The following OR5D13 variants were observed in gnomAD, a reference collection of about 807,000 sequenced individuals.
OR5D13 encodes olfactory receptor 5D13.
For missense variants in OR5D13, 470 were observed against 372.1 expected (o/e 1.26, Z -2.16); for synonymous variants, 192 against 134.3 (o/e 1.43, Z -2.97).
Position 55,773,978 on chromosome 11 carries a change from T to A in OR5D13, c.541T>A (p.Cys181Ser). 6.2e-7 allele frequency: 1 copy of A among 1,613,756 alleles called. No individual in the cohort carries two copies. Among genetic ancestry groups the A allele is most frequent in the Non-Finnish European group, 8.5e-7 (1 of 1,179,862 alleles). The change falls in exon 1 of 1, where the codon TGT (cysteine) becomes AGT (serine). Residue 181 changes from cysteine to serine, a missense_variant. Cys to Ser is a moderately radical substitution (Grantham distance 112). Coordinates refer to ENST00000623930, the MANE Select transcript of OR5D13 (RefSeq NM_001001967.1). The part of the protein sequence containing the change: ...CESTFINNFI[C>S]DHSVIVSASY... ...ATCTACCTTCATAAATAATTTTATCTGTGACCACTCTGTAATTGTTTCTGC... is the reference window on the plus strand; with the variant it reads ...ATCTACCTTCATAAATAATTTTATCAGTGACCACTCTGTAATTGTTTCTGC...
chr11:55,773,588 A>G lies in OR5D13; in HGVS notation c.151A>G (p.Ile51Val). ...GGGGAACTTGGGCATGATAATAATCATCAGACTCAATTCAAAACTCCATAC... is the reference window on the plus strand; with the variant it reads ...GGGGAACTTGGGCATGATAATAATCGTCAGACTCAATTCAAAACTCCATAC... ...VVGNLGMIII[I>V]RLNSKLHTIM... Residue 51 changes from isoleucine to valine, a missense_variant, in exon 1 of 1, where the codon ATC becomes GTC. Physicochemically the swap from Ile to Val is conservative, Grantham distance 29. Transcript: ENST00000623930. 6.2e-7 allele frequency: 1 copy of G among 1,613,398 alleles called. No individual in the cohort carries two copies.
Position 55,774,259 on chromosome 11 carries a change from A to G in OR5D13, c.822A>G (p.Thr274=), listed in dbSNP as rs1424613507. Residue 274 remains threonine (T), a synonymous_variant, in exon 1 of 1, where the codon ACA becomes ACG. Coordinates refer to ENST00000623930, the MANE Select transcript of OR5D13 (RefSeq NM_001001967.1). ...PNPKTSSLIV[T]VASVFYTVAI... is the part of the protein sequence containing the mutation. ...CTAAAACTTCTAGCCTCATAGTTAC[A>G]GTGGCTTCTGTGTTTTACACAGTGG... is the stretch of plus-strand genomic sequence containing the variant. The G allele has an allele frequency of 3.1e-6, 5 of 1,613,474 alleles. No homozygotes were observed. Among genetic ancestry groups the G allele is most frequent in the Non-Finnish European group, 4.2e-6 (5 of 1,179,644 alleles).
Position 55,773,572 on chromosome 11 carries a change from G to A in OR5D13, c.135G>A (p.Leu45=). Reference sequence around the variant, plus strand: ...ACACAGTCACTGTAGTGGGGAACTTGGGCATGATAATAATCATCAGACTCA... The same window carrying A: ...ACACAGTCACTGTAGTGGGGAACTTAGGCATGATAATAATCATCAGACTCA... ...FVYTVTVVGN[L]GMIIIIRLNS... Residue 45 remains leucine, a synonymous_variant, in exon 1 of 1, where the codon TTG becomes TTA. Transcript: ENST00000623930. 1 of 1,612,956 alleles carries A rather than the reference G, an allele frequency of 6.2e-7. No homozygotes were observed. The highest frequency in any genetic ancestry group is 8.5e-7 in the Non-Finnish European group (1 of 1,179,266).
Position 55,774,382 on chromosome 11 carries a change from A to G in OR5D13, c.945A>G (p.Ter315TrpextTer?), listed in dbSNP as rs1853297886. ...TTGTCACCAAATTGATTTACCACTG[A>G]ATATGATGTTCTTAGATACGTTATT... Reference protein sequence around the residue: ...KLVVTKLIYH* With the variant: ...KLVVTKLIYHW Residue 315 changes from the stop codon to tryptophan (W), a stop_lost, in exon 1 of 1, where the codon TGA becomes TGG. Coordinates refer to ENST00000623930, the MANE Select transcript of OR5D13 (RefSeq NM_001001967.1). The G allele has an allele frequency of 6.7e-7, 1 of 1,497,568 alleles. No individual in the cohort carries two copies. The highest frequency in any genetic ancestry group is 9.0e-7 in the Non-Finnish European group (1 of 1,107,088). 92.8% of individuals were successfully genotyped at this position (1,497,568 alleles called of 1,614,324 possible). A position where few individuals can be genotyped will look rare whatever the true frequency, so the allele number is the denominator to read the frequency against.
Position 55,774,117 on chromosome 11 carries a change from T to C in OR5D13, c.680T>C (p.Ile227Thr). The C allele has an allele frequency of 6.2e-7, 1 of 1,613,806 alleles. No individual in the cohort carries two copies. Among genetic ancestry groups the C allele is most frequent in the South Asian group, 1.1e-5 (1 of 91,070 alleles). Residue 227 changes from isoleucine to threonine, a missense_variant, in exon 1 of 1, where the codon ATT (isoleucine) becomes ACT (threonine). Ile to Thr is a moderately conservative substitution (Grantham distance 89). Transcript: ENST00000623930. ...TCATATATGCTTATTTTCACTACCA[T>C]TATGAAGATGCGATCTGCAAGTGGG... ...LTSYMLIFTT[I>T]MKMRSASGRQ... is the part of the protein sequence containing the mutation.
chr11:55,774,263 G>C lies in OR5D13; in HGVS notation c.826G>C (p.Ala276Pro). The part of the protein sequence containing the change: ...PKTSSLIVTV[A>P]SVFYTVAIPM... ...AACTTCTAGCCTCATAGTTACAGTGGCTTCTGTGTTTTACACAGTGGCGAT... is the reference window on the plus strand; with the variant it reads ...AACTTCTAGCCTCATAGTTACAGTGCCTTCTGTGTTTTACACAGTGGCGAT... The change falls in exon 1 of 1, where the codon GCT (alanine) becomes CCT (proline). Residue 276 changes from alanine to proline, a missense_variant. Ala to Pro is a conservative substitution (Grantham distance 27, BLOSUM62 -1). Coordinates refer to ENST00000623930, the MANE Select transcript of OR5D13 (RefSeq NM_001001967.1). The C allele has an allele frequency of 6.2e-7, 1 of 1,613,544 alleles. No homozygotes were observed. Among genetic ancestry groups the C allele is most frequent in the Non-Finnish European group, 8.5e-7 (1 of 1,179,844 alleles).
At position 55,773,998 on chromosome 11, in the gene OR5D13, T is replaced by C. The variant is rs1853288390; in HGVS notation, c.561T>C (p.Val187=). The stretch of plus-strand genomic sequence containing the variant: ...TTATCTGTGACCACTCTGTAATTGT[T>C]TCTGCCTCCTACTCAGACCCCTATA... ...NNFICDHSVI[V]SASYSDPYIS... Residue 187 remains valine, a synonymous_variant, in exon 1 of 1, where the codon GTT becomes GTC. Transcript: ENST00000623930. 1 of 1,613,514 alleles carries C rather than the reference T, an allele frequency of 6.2e-7. No individual in the cohort carries two copies. Among genetic ancestry groups the C allele is most frequent in the Admixed American group, 1.7e-5 (1 of 59,922 alleles).
In OR5D13 at chr11:55,774,302, C is replaced by A; in HGVS notation, c.865C>A (p.Pro289Thr). Residue 289 changes from proline (P) to threonine (T), a missense_variant, in exon 1 of 1, where the codon CCA (proline) becomes ACA (threonine). By Grantham distance (38) the Pro-to-Thr change is conservative (BLOSUM62 -1). Transcript: ENST00000623930. ...FYTVAIPMLNPLIYSLRNKDI... is the reference protein window; with the variant it reads ...FYTVAIPMLNTLIYSLRNKDI... ...CACAGTGGCGATTCCAATGCTGAACCCATTGATCTACAGCCTTAGGAACAA... is the reference window on the plus strand; with the variant it reads ...CACAGTGGCGATTCCAATGCTGAACACATTGATCTACAGCCTTAGGAACAA... 6.2e-7 allele frequency: 1 copy of A among 1,611,876 alleles called. No individual in the cohort carries two copies. Among genetic ancestry groups the A allele is most frequent in the Non-Finnish European group, 8.5e-7 (1 of 1,179,384 alleles).
Position 55,773,958 on chromosome 11 carries a change from C to A in OR5D13, c.521C>A (p.Thr174Asn). The change falls in exon 1 of 1, where the codon ACC (threonine) becomes AAC (asparagine). Residue 174 changes from threonine (T) to asparagine (N), a missense_variant. Physicochemically the swap from Thr to Asn is moderately conservative, Grantham distance 65. Coordinates refer to ENST00000623930, the MANE Select transcript of OR5D13 (RefSeq NM_001001967.1). ...FLLDLSFCES[T>N]FINNFICDHS... ...CTTGACTTATCGTTTTGTGAATCTA[C>A]CTTCATAAATAATTTTATCTGTGAC... The A allele has an allele frequency of 6.2e-7, 1 of 1,613,328 alleles. No homozygotes were observed.
chr11:55,773,809 T>C lies in OR5D13; in HGVS notation c.372T>C (p.Arg124=), dbSNP rs1234851805. The C allele has an allele frequency of 1.2e-6, 2 of 1,613,826 alleles. 1 individual carries two copies. Among genetic ancestry groups the C allele is most frequent in the Admixed American group, 3.3e-5 (2 of 59,966 alleles). The change falls in exon 1 of 1, where the codon CGT becomes CGC. Residue 124 remains arginine (R), a synonymous_variant. Coordinates refer to ENST00000623930, the MANE Select transcript of OR5D13 (RefSeq NM_001001967.1). The part of the protein sequence containing the change: ...TFMLAAMAYD[R]FVAVCKPLLY... ...TGTTAGCAGCGATGGCTTATGACCG[T>C]TTTGTGGCAGTTTGTAAACCCTTGC...
In OR5D13 at chr11:55,773,844, CTAT is replaced by C. The variant is rs760260304; in HGVS notation, c.411_413del (p.Ile137del). ...GTTTGTAAACCCTTGCTGTATACCA[CTAT>C]TATGTCTCAGAAGCTCTGTGCTCTT... On this transcript the variant is annotated inframe_deletion, in exon 1 of 1. Coordinates refer to ENST00000623930, the MANE Select transcript of OR5D13 (RefSeq NM_001001967.1). 1.1e-5 allele frequency: 17 copies of C among 1,613,792 alleles called. No homozygotes were observed. In the African/African-American group the frequency reaches 2.3e-4, roughly 22 times the overall value.
chr11:55,774,102 T>G lies in OR5D13; in HGVS notation c.665T>G (p.Leu222Arg). 6.2e-7 allele frequency: 1 copy of G among 1,613,898 alleles called. No individual in the cohort carries two copies. Among genetic ancestry groups the G allele is most frequent in the Non-Finnish European group, 8.5e-7 (1 of 1,180,000 alleles). The change falls in exon 1 of 1, where the codon CTT becomes CGT. Residue 222 changes from leucine to arginine, a missense_variant. Coordinates refer to ENST00000623930, the MANE Select transcript of OR5D13 (RefSeq NM_001001967.1). ...ATTATCATTCTGACATCATATATGC[T>G]TATTTTCACTACCATTATGAAGATG... The part of the protein sequence containing the change: ...SLIIILTSYM[L>R]IFTTIMKMRS...
At position 55,774,198 on chromosome 11, in the gene OR5D13, A is replaced by G. The variant is rs1305477003; in HGVS notation, c.761A>G (p.His254Arg). 11 of 1,613,896 alleles carry G rather than the reference A, an allele frequency of 6.8e-6. No individual in the cohort carries two copies. Among genetic ancestry groups the G allele is most frequent in the Non-Finnish European group, 9.3e-6 (11 of 1,179,970 alleles). The part of the protein sequence containing the change: ...ASHLTAITIF[H>R]GTILFLYCVP... ...CACCTGACAGCCATCACTATCTTCCATGGAACTATCCTTTTCCTTTACTGT... is the reference window on the plus strand; with the variant it reads ...CACCTGACAGCCATCACTATCTTCCGTGGAACTATCCTTTTCCTTTACTGT... The change falls in exon 1 of 1, where the codon CAT (histidine) becomes CGT (arginine). Residue 254 changes from histidine (H) to arginine (R), a missense_variant. Coordinates refer to ENST00000623930, the MANE Select transcript of OR5D13 (RefSeq NM_001001967.1).
Position 55,774,302 on chromosome 11 carries a change from C to T in OR5D13, c.865C>T (p.Pro289Ser), listed in dbSNP as rs1305440250. Reference sequence around the variant, plus strand: ...CACAGTGGCGATTCCAATGCTGAACCCATTGATCTACAGCCTTAGGAACAA... The same window carrying T: ...CACAGTGGCGATTCCAATGCTGAACTCATTGATCTACAGCCTTAGGAACAA... ...FYTVAIPMLN[P>S]LIYSLRNKDI... Residue 289 changes from proline (P) to serine (S), a missense_variant, in exon 1 of 1, where the codon CCA becomes TCA. Physicochemically the swap from Pro to Ser is moderately conservative, Grantham distance 74 (BLOSUM62 -1). Transcript: ENST00000623930. 1 of 1,611,758 alleles carries T rather than the reference C, an allele frequency of 6.2e-7. No individual in the cohort carries two copies. The highest frequency in any genetic ancestry group is 8.5e-7 in the Non-Finnish European group (1 of 1,179,392).
rs1441373306 is a variant in OR5D13 at position 55,774,290 on chromosome 11, C to T, written c.853C>T (p.Pro285Ser). 5.0e-6 allele frequency: 8 copies of T among 1,613,176 alleles called. No homozygotes were observed. Among genetic ancestry groups the T allele is most frequent in the African/African-American group, 4.0e-5 (3 of 74,702 alleles). Residue 285 changes from proline (P) to serine (S), a missense_variant, in exon 1 of 1, where the codon CCA becomes TCA. By Grantham distance (74) the Pro-to-Ser change is moderately conservative. Transcript: ENST00000623930. ...TTCTGTGTTTTACACAGTGGCGATTCCAATGCTGAACCCATTGATCTACAG... is the reference window on the plus strand; with the variant it reads ...TTCTGTGTTTTACACAGTGGCGATTTCAATGCTGAACCCATTGATCTACAG... The part of the protein sequence containing the change: ...VASVFYTVAI[P>S]MLNPLIYSLR...
Position 55,774,044 on chromosome 11 carries a change from A to G in OR5D13, c.607A>G (p.Ile203Val). 1 of 1,613,630 alleles carries G rather than the reference A, an allele frequency of 6.2e-7. No homozygotes were observed. Among genetic ancestry groups the G allele is most frequent in the Non-Finnish European group, 8.5e-7 (1 of 1,179,824 alleles). ...CTATATCAGCCAGAGGCTATGCTTT[A>G]TTATTGCCATATTCAATGAGGTGAG... ...DPYISQRLCFIIAIFNEVSSL... is the reference protein window; with the variant it reads ...DPYISQRLCFVIAIFNEVSSL... The change falls in exon 1 of 1, where the codon ATT (isoleucine) becomes GTT (valine). Residue 203 changes from isoleucine (I) to valine (V), a missense_variant. Physicochemically the swap from Ile to Val is conservative, Grantham distance 29. Coordinates refer to ENST00000623930, the MANE Select transcript of OR5D13 (RefSeq NM_001001967.1).
In OR5D13 at chr11:55,773,958, C is replaced by T. The variant is rs748332079; in HGVS notation, c.521C>T (p.Thr174Ile). The change falls in exon 1 of 1, where the codon ACC becomes ATC. Residue 174 changes from threonine (T) to isoleucine (I), a missense_variant. By Grantham distance (89) the Thr-to-Ile change is moderately conservative. Transcript: ENST00000623930. ...FLLDLSFCES[T>I]FINNFICDHS... ...CTTGACTTATCGTTTTGTGAATCTACCTTCATAAATAATTTTATCTGTGAC... is the reference window on the plus strand; with the variant it reads ...CTTGACTTATCGTTTTGTGAATCTATCTTCATAAATAATTTTATCTGTGAC... 1.5e-5 allele frequency: 25 copies of T among 1,613,210 alleles called. 1 individual carries two copies. The highest frequency in any genetic ancestry group is 3.3e-4 in the Middle Eastern group (2 of 6,080).
Position 55,773,613 on chromosome 11 carries a change from C to A in OR5D13, c.176C>A (p.Thr59Lys), listed in dbSNP as rs1211340221. The change falls in exon 1 of 1, where the codon ACA (threonine) becomes AAA (lysine). Residue 59 changes from threonine (T) to lysine (K), a missense_variant. Transcript: ENST00000623930. ...IIIRLNSKLH[T>K]IMCFFLSHLS... ...ATCAGACTCAATTCAAAACTCCATACAATCATGTGCTTTTTCCTTAGTCAC... is the reference window on the plus strand; with the variant it reads ...ATCAGACTCAATTCAAAACTCCATAAAATCATGTGCTTTTTCCTTAGTCAC... 1.2e-6 allele frequency: 2 copies of A among 1,612,934 alleles called. No homozygotes were observed. The highest frequency in any genetic ancestry group is 1.3e-5 in the African/African-American group (1 of 74,702).
chr11:55,773,619 T>C lies in OR5D13; in HGVS notation c.182T>C (p.Met61Thr), dbSNP rs763961243. 4 of 1,613,506 alleles carry C rather than the reference T, an allele frequency of 2.5e-6. No homozygotes were observed. The Admixed American group carries it at 6.7e-5, about 27-fold the overall frequency. The change falls in exon 1 of 1, where the codon ATG becomes ACG. Residue 61 changes from methionine to threonine, a missense_variant. Coordinates refer to ENST00000623930, the MANE Select transcript of OR5D13 (RefSeq NM_001001967.1). ...CTCAATTCAAAACTCCATACAATCA[T>C]GTGCTTTTTCCTTAGTCACTTGTCC... ...IRLNSKLHTIMCFFLSHLSLT... is the reference protein window; with the variant it reads ...IRLNSKLHTITCFFLSHLSLT...
Sources: allele counts gnomAD v4.1 joint callset, GRCh38; gene constraint gnomAD v4.1.1; transcripts MANE v1.5; gene names NCBI Gene and HGNC (gene_info 2026-07-23, HGNC 2026-07-21).